The following BCAR1 variants were observed in gnomAD, a reference collection of about 807,000 sequenced individuals.
BCAR1 encodes the protein breast cancer anti-estrogen resistance protein 1.
In BCAR1, 30 loss-of-function variants were observed where a neutral mutation model predicts 67.6. That is an observed-to-expected ratio of 0.44 (90% CI 0.33 to 0.60). The LOEUF is 0.60. BCAR1 is among the 20% of genes least tolerant of loss of function. The pLI is 0.02. For synonymous variants in BCAR1, 626 were observed against 556.7 expected (o/e 1.12, Z -1.75); for missense variants, 1,313 against 1,222.3 (o/e 1.07, Z -1.11).
At chr16:75,241,565 C>A (rs969130405) in intron 2 of BCAR1, among the ~76,000 whole-genome samples, 1 of 152,198 alleles carries the variant, frequency 6.6e-6, no homozygotes, top group African/African-American at 2.4e-5. Context: ...GCTGAAGGAG[C>A]AGGTAGAGCA....
chr16:75,236,766 A>G, intron 4 of BCAR1, 116 bp downstream of exon 4: 1 of 1,430,236 alleles, frequency 7.0e-7, no homozygotes, highest in African/African-American at 1.4e-5. Flanking sequence ...GTCTGGAGCC[A>G]GTCTCTTCCT....
intron 1 of BCAR1, chr16:75,266,618 G>T: frequency 1.2e-6 from 1 of 857,944 alleles, no homozygotes; most frequent in Non-Finnish European, 1.6e-6. Context: ...CAGCCACTGG[G>T]CACGTGCATG....
upstream of BCAR1, chr16:75,251,760 G>T: frequency 1.2e-6 from 1 of 854,042 alleles, no homozygotes; most frequent in Non-Finnish European, 1.4e-6. Flanking sequence ...GCAGACAGAA[G>T]CCCGCCCAGT....
chr16:75,246,292 G>A (rs551424203), intron 1 of BCAR1: 1 of 152,376 alleles, frequency 6.6e-6, no homozygotes, highest in African/African-American at 2.4e-5. Flanking sequence ...TTTAACAAAA[G>A]ATTCGCCTGG....
At chr16:75,252,584 C>G (rs187694708), upstream of BCAR1, among the ~76,000 whole-genome samples, 1 of 151,772 alleles carries the variant, frequency 6.6e-6, no homozygotes, top group African/African-American at 2.4e-5. Flanking sequence ...GATGATAGGA[C>G]CGAGCCTGGT....
intron 2 of BCAR1, among the ~76,000 whole-genome samples, chr16:75,239,290 A>C (rs1408521745): frequency 6.6e-6 from 1 of 152,132 alleles, no homozygotes; most frequent in Non-Finnish European, 1.5e-5. Context: ...ACAGAGGCAC[A>C]GTCACTGACA....
chr16:75,250,064 C>T (rs942047499), intron 1 of BCAR1: 1 of 152,368 alleles, frequency 6.6e-6, no homozygotes, highest in African/African-American at 2.4e-5. Context: ...TTCCATCCCT[C>T]GCCTAGACCT....
intron 1 of BCAR1, chr16:75,243,530 A>T (rs1362834947): frequency 2.0e-6 from 1 of 502,050 alleles, no homozygotes; most frequent in Admixed American, 2.1e-5. Context: ...TTCTTAGGAT[A>T]AAAAAATGAA....
At chr16:75,249,989 G>A (rs1296414850) in intron 1 of BCAR1, 1 of 152,246 alleles carries the variant, frequency 6.6e-6, no homozygotes, top group Non-Finnish European at 1.5e-5. Context: ...ATGGGAAAGG[G>A]GTTTGAGGAG....
At chr16:75,242,421 G>T (rs770220400) in intron 2 of BCAR1, 49 bp downstream of exon 2, 1 of 1,359,236 alleles carries the variant, frequency 7.4e-7, no homozygotes, top group Admixed American at 2.8e-5. Context: ...ACAAACCAGG[G>T]CCTGGGCTAT....
chr16:75,253,741 T>TG (rs985093821), upstream of BCAR1, among the ~76,000 whole-genome samples: 3 of 151,908 alleles, frequency 2.0e-5, no homozygotes, highest in East Asian at 2.0e-4. Context: ...GGGATGTAGC[T>TG]GGGGGGTGGG....
Position 75,235,380 on chromosome 16 carries a change from C to A in BCAR1, c.1519G>T (p.Ala507Ser), listed in dbSNP as rs760427410. The change falls in exon 5 of 7, where the codon GCT becomes TCT. Residue 507 changes from alanine (A) to serine (S), a missense_variant. Transcript: ENST00000162330. The stretch of plus-strand genomic sequence containing the variant: ...ACGGCACTCTGGACAGCGGCCACAG[C>A]AGCCTGCAGGTCCTGCACCAGCGGC... ...QEPLVQDLQA[A>S]VAAVQSAVHE... is the part of the protein sequence containing the mutation. 6.2e-7 allele frequency: 1 copy of A among 1,602,532 alleles called. No individual in the cohort carries two copies. The highest frequency in any genetic ancestry group is 8.5e-7 in the Non-Finnish European group (1 of 1,175,326).
rs758455782 is a variant in BCAR1 at position 75,233,940 on chromosome 16, A to T, written c.2011-5T>A. The T allele has an allele frequency of 1.9e-6, 3 of 1,600,930 alleles. No homozygotes were observed. Among genetic ancestry groups the T allele is most frequent in the African/African-American group, 2.7e-5 (2 of 74,704 alleles). On this transcript the variant is annotated splice_region_variant and splice_polypyrimidine_tract_variant and intron_variant, in intron 5 of 6. Coordinates refer to ENST00000162330, the MANE Select transcript of BCAR1 (RefSeq NM_014567.5). ...CTTCTCAAACTCCTCCTTCCCCTGGAGGGCAGAGACAGGGGCTGCGCTGAG... is the reference window on the plus strand; with the variant it reads ...CTTCTCAAACTCCTCCTTCCCCTGGTGGGCAGAGACAGGGGCTGCGCTGAG...
chr16:75,266,405 T>C (rs1272417032), intron 1 of BCAR1: 2 of 219,006 alleles, frequency 9.1e-6, no homozygotes, highest in African/African-American at 2.3e-5. Context: ...CATCCTGGGG[T>C]CGCCCTGACA....
intron 1 of BCAR1, among the ~76,000 whole-genome samples, chr16:75,257,751 C>T (rs1191065705): frequency 1.3e-5 from 2 of 152,226 alleles, no homozygotes; most frequent in East Asian, 3.9e-4. Flanking sequence ...GCCACTGTGC[C>T]TGGTGGAAAA....
upstream of BCAR1, among the ~76,000 whole-genome samples, chr16:75,253,998 A>G (rs2077730410): frequency 6.8e-6 from 1 of 146,988 alleles, no homozygotes; most frequent in Non-Finnish European, 1.5e-5. Flanking sequence ...ATGGGGTTTC[A>G]CCATATTGGT....
chr16:75,252,488 T>G, upstream of BCAR1: 1 of 1,309,788 alleles, frequency 7.6e-7, no homozygotes, highest in Non-Finnish European at 1.0e-6. Context: ...CCTTGCTCGG[T>G]TGCAGGTCAG....
At chr16:75,238,532 G>A (rs1378024616) in intron 2 of BCAR1, 32 of 992,808 alleles carry the variant, frequency 3.2e-5, no homozygotes, top group Non-Finnish European at 3.4e-5. Context: ...GCTGTGAGGG[G>A]GGCGCTGAGC....
In BCAR1 at chr16:75,266,012, C is replaced by T. The variant is rs1357884034; in HGVS notation, c.66+1903G>A. The T allele has an allele frequency of 1.3e-5, 13 of 1,027,760 alleles. No homozygotes were observed. The African/African-American group carries it at 2.4e-4, about 19-fold the overall frequency. 63.7% of individuals were successfully genotyped at this position (1,027,760 alleles called of 1,614,324 possible). On this transcript the variant is annotated intron_variant, in intron 1 of 6. Transcript: ENST00000393422. ...CGCTCCAGCCGCGCCGCGCATGCGC[C>T]GCCCGCGCCGCCCCCCCCACCGTCT...
Sources: allele counts gnomAD v4.1 joint callset (sites outside exome capture counted in the v4.1 genomes callset), GRCh38; gene constraint gnomAD v4.1.1; transcripts MANE v1.5; gene names NCBI Gene and HGNC (gene_info 2026-07-23, HGNC 2026-07-21).